Variants in ATP2A3 observed in about 807,000 individuals in gnomAD.
ATP2A3 encodes ATPase sarcoplasmic/endoplasmic reticulum Ca2+ transporting 3.
ATP2A3 carries 61 observed loss-of-function variants against 106.8 expected under a neutral mutation model. The ratio of observed to expected loss-of-function variants is 0.57; its 90% confidence interval spans 0.46 to 0.71. The LOEUF is 0.71. Ranked by LOEUF, ATP2A3 falls within the 30% of genes least tolerant of loss-of-function variation. The pLI is 0.00. For synonymous variants in ATP2A3, 611 were observed against 609.3 expected (o/e 1.00, Z -0.04); for missense variants, 1,201 against 1,423.5 (o/e 0.84, Z 2.52).
At position 3,924,505 on chromosome 17, in the gene ATP2A3, G is replaced by T; in HGVS notation, c.*917C>A. On this transcript the variant is annotated 3_prime_UTR_variant, in exon 21 of 21. Coordinates refer to ENST00000397041, the MANE Select transcript of ATP2A3 (RefSeq NM_005173.4). This position sits in a 1 kb window ranked among gnomAD's most constrained non-coding sequence, Gnocchi z 6.4. ...AGGCCCCCAGCTGTGCAGACAGCGCGGCGGCCGCACACTGGGCTGGGTAGA... is the reference window on the plus strand; with the variant it reads ...AGGCCCCCAGCTGTGCAGACAGCGCTGCGGCCGCACACTGGGCTGGGTAGA... 3.2e-6 allele frequency: 1 copy of T among 314,854 alleles called. No individual in the cohort carries two copies. 19.5% of individuals were successfully genotyped at this position (314,854 alleles called of 1,614,324 possible). A position where few individuals can be genotyped will look rare whatever the true frequency, so the allele number is the denominator to read the frequency against.
rs2054704385 is a variant in ATP2A3 at position 3,955,207 on chromosome 17, CCTT to C, written c.119-1500_119-1498del. Reference sequence around the variant, plus strand: ...GGCCATGGCTGGCTCTCTTCCACCTCCTTCTTCCTGACACTGGAAACAGGTCCT... The same window carrying C: ...GGCCATGGCTGGCTCTCTTCCACCTCCTTCCTGACACTGGAAACAGGTCCT... On this transcript the variant is annotated intron_variant, in intron 1 of 20. Coordinates refer to ENST00000397041, the MANE Select transcript of ATP2A3 (RefSeq NM_005173.4). The surrounding 1 kb of genome is among the most constrained non-coding windows in gnomAD (Gnocchi z 4.2). 6.6e-6 allele frequency among the ~76,000 whole-genome samples: 1 copy of C among 152,224 alleles called. No homozygotes were observed.
In ATP2A3 at chr17:3,936,439, G is replaced by A. The variant is rs151095860; in HGVS notation, c.2352C>T (p.Pro784=). 1,729 of 1,614,044 alleles carry A rather than the reference G, an allele frequency of 1.1e-3. 9 individuals carry two copies. Among genetic ancestry groups the A allele is most frequent in the Middle Eastern group, 6.3e-3 (38 of 6,048 alleles). ...CIFLTAILGL[P]EALIPVQLLW... Reference sequence around the variant, plus strand: ...GCAGCTGCACAGGGATCAGGGCTTCGGGCAGGCCCAGAATTGCCGTGAGGA... The same window carrying A: ...GCAGCTGCACAGGGATCAGGGCTTCAGGCAGGCCCAGAATTGCCGTGAGGA... Residue 784 remains proline, a synonymous_variant, in exon 16 of 21, where the codon CCC becomes CCT. Coordinates refer to ENST00000397041, the MANE Select transcript of ATP2A3 (RefSeq NM_005173.4). This position sits in a 1 kb window ranked among gnomAD's most constrained non-coding sequence, Gnocchi z 5.4.
intron 8 of ATP2A3, among the ~76,000 whole-genome samples, chr17:3,945,878 G>T (rs972540681): frequency 6.6e-6 from 1 of 152,172 alleles, no homozygotes; most frequent in Non-Finnish European, 1.5e-5. Flanking sequence ...CTACTCCTGG[G>T]GGCAGTCACC....
intron 17 of ATP2A3, 178 bp downstream of exon 17, chr17:3,935,014 G>T (rs2053348635): frequency 2.9e-6 from 2 of 687,852 alleles, no homozygotes; most frequent in South Asian, 1.6e-5. Flanking sequence ...GTCCGTGCTG[G>T]TGTCTCTGGG....
chr17:3,929,234 G>A lies in ATP2A3; in HGVS notation c.2862+94C>T. On this transcript the variant is annotated intron_variant, in intron 19 of 20. Coordinates refer to ENST00000397041, the MANE Select transcript of ATP2A3 (RefSeq NM_005173.4). This position sits in a 1 kb window ranked among gnomAD's most constrained non-coding sequence, Gnocchi z 4.3. ...CTCTCACCTCCCTCTCCTCCAGGTA[G>A]TTTCCATTGCAGGGGGGCCAGAGAG... The A allele has an allele frequency of 1.7e-6, 2 of 1,189,030 alleles. No homozygotes were observed. The highest frequency in any genetic ancestry group is 1.4e-5 in the South Asian group (1 of 71,552). 73.7% of individuals were successfully genotyped at this position (1,189,030 alleles called of 1,614,324 possible).
chr17:3,937,490 C>G lies in ATP2A3; in HGVS notation c.2247G>C (p.Glu749Asp). Residue 749 changes from glutamate to aspartate, a missense_variant, in exon 15 of 21, where the codon GAG becomes GAC. Glu to Asp is a conservative substitution (Grantham distance 45). Coordinates refer to ENST00000397041, the MANE Select transcript of ATP2A3 (RefSeq NM_005173.4). Reference sequence around the variant, plus strand: ...TCATGTTGCTGTAGATGGCCCGGCCCTCCTCCACCGCAGCCACGATGGAGG... The same window carrying G: ...TCATGTTGCTGTAGATGGCCCGGCCGTCCTCCACCGCAGCCACGATGGAGG... ...NFASIVAAVE[E>D]GRAIYSNMKQ... 6.2e-7 allele frequency: 1 copy of G among 1,614,096 alleles called. No homozygotes were observed. The highest frequency in any genetic ancestry group is 8.5e-7 in the Non-Finnish European group (1 of 1,179,990).
chr17:3,941,418 A>G lies in ATP2A3; in HGVS notation c.1764+18T>C, dbSNP rs1169653428. 3 of 1,613,416 alleles carry G rather than the reference A, an allele frequency of 1.9e-6. No homozygotes were observed. The highest frequency in any genetic ancestry group is 1.7e-5 in the Admixed American group (1 of 59,926). On this transcript the variant is annotated intron_variant, in intron 13 of 20. Transcript: ENST00000397041. ...GCACCCACCTCGTACTGCAGGGAGA[A>G]TCGGCTCCTGCACCCACCTCGTACT...
rs553373438 is a variant in ATP2A3 at position 3,930,500 on chromosome 17, G to A, written c.2611-66C>T. The A allele has an allele frequency of 8.7e-6, 14 of 1,603,262 alleles. No homozygotes were observed. In the African/African-American group the frequency reaches 1.9e-4, roughly 21 times the overall value. On this transcript the variant is annotated intron_variant, in intron 17 of 20. Coordinates refer to ENST00000397041, the MANE Select transcript of ATP2A3 (RefSeq NM_005173.4). The surrounding 1 kb of genome is among the most constrained non-coding windows in gnomAD (Gnocchi z 5.4). Reference sequence around the variant, plus strand: ...GCGAGGGGCTGGTGGGTGGGAGGAGGGAAGCCTCATCCTGCCCTTGGCCCA... The same window carrying A: ...GCGAGGGGCTGGTGGGTGGGAGGAGAGAAGCCTCATCCTGCCCTTGGCCCA...
rs1375579760 is a variant in ATP2A3, at chr17:3,947,899, C to G, written c.631-44G>C. 5 of 1,582,784 alleles carry G rather than the reference C, an allele frequency of 3.2e-6. No individual in the cohort carries two copies. Among genetic ancestry groups the G allele is most frequent in the Admixed American group, 1.7e-5 (1 of 59,428 alleles). On this transcript the variant is annotated intron_variant, in intron 7 of 20. Transcript: ENST00000397041. The surrounding 1 kb of genome is among the most constrained non-coding windows in gnomAD (Gnocchi z 7.7). ...AGGAAAAAGCTGCTCAGCAGCCAAC[C>G]AGGGGCCCAGGACCCCTGACTCCTT... is the stretch of plus-strand genomic sequence containing the variant.
chr17:3,927,146 A>T, intron 20 of ATP2A3: 5 of 985,434 alleles, frequency 5.1e-6, no homozygotes, highest in Non-Finnish European at 6.0e-6. Flanking sequence ...CTCCTGGCCC[A>T]GCAGGAATCT....
chr17:3,928,445 G>T lies in ATP2A3; in HGVS notation c.2980+218C>A. The T allele has an allele frequency of 9.3e-7, 1 of 1,073,570 alleles. No homozygotes were observed. The highest frequency in any genetic ancestry group is 1.4e-6 in the Non-Finnish European group (1 of 720,928). 66.5% of individuals were successfully genotyped at this position (1,073,570 alleles called of 1,614,324 possible). ...GGCCCAAGAGGTGCTCCCGTTGCTG[G>T]CCCAGTGAGCCCAGGTCCCCTGCAG... On this transcript the variant is annotated intron_variant, in intron 20 of 20. Transcript: ENST00000397041. This position sits in a 1 kb window ranked among gnomAD's most constrained non-coding sequence, Gnocchi z 6.1.
Position 3,928,732 on chromosome 17 carries a change from G to C in ATP2A3, c.2911C>G (p.Leu971Val). ...PLSGRQWVVVLQISLPVILLD... is the reference protein window; with the variant it reads ...PLSGRQWVVVVQISLPVILLD... ...AGGATGACAGGCAGAGATATCTGGA[G>C]CACCACCACCCACTGGCGCCCGCTC... Residue 971 changes from leucine to valine, a missense_variant, in exon 20 of 21, where the codon CTC (leucine) becomes GTC (valine). Transcript: ENST00000397041. The surrounding 1 kb of genome is among the most constrained non-coding windows in gnomAD (Gnocchi z 6.1). 1.3e-6 allele frequency: 2 copies of C among 1,551,954 alleles called. No individual in the cohort carries two copies. The highest frequency in any genetic ancestry group is 1.2e-5 in the South Asian group (1 of 84,100).
chr17:3,929,247 G>C lies in ATP2A3; in HGVS notation c.2862+81C>G. 9.3e-6 allele frequency: 12 copies of C among 1,293,194 alleles called. No homozygotes were observed. In the South Asian group the frequency reaches 1.1e-4, roughly 11 times the overall value. The allele number at this position is 1,293,194 out of a possible 1,614,324, so 80.1% of individuals were successfully genotyped here. A position where few individuals can be genotyped will look rare whatever the true frequency, so the allele number is the denominator to read the frequency against. On this transcript the variant is annotated intron_variant, in intron 19 of 20. Coordinates refer to ENST00000397041, the MANE Select transcript of ATP2A3 (RefSeq NM_005173.4). The surrounding 1 kb of genome is among the most constrained non-coding windows in gnomAD (Gnocchi z 4.3). ...CTCCTCCAGGTAGTTTCCATTGCAG[G>C]GGGGCCAGAGAGGTCCAGTGACCAG...
chr17:3,961,807 G>C (rs1458546791), intron 1 of ATP2A3, among the ~76,000 whole-genome samples: 1 of 152,176 alleles, frequency 6.6e-6, no homozygotes, highest in East Asian at 1.9e-4. Context: ...AAACAACCCT[G>C]GGAGATGGGT....
In ATP2A3 at chr17:3,940,053, T is replaced by G. The variant is rs565133498; in HGVS notation, c.2100+918A>C. ...TATCTTTTTTTTTTTGTTTTTTGTTTTTTTTTTTTTTGGAGAGATGGGGTC... is the reference window on the plus strand; with the variant it reads ...TATCTTTTTTTTTTTGTTTTTTGTTGTTTTTTTTTTTGGAGAGATGGGGTC... On this transcript the variant is annotated intron_variant, in intron 14 of 20. Transcript: ENST00000397041. 7.1e-5 allele frequency among the ~76,000 whole-genome samples: 10 copies of G among 141,190 alleles called. No homozygotes were observed. In the East Asian group the frequency reaches 1.6e-3, roughly 22 times the overall value. The allele number at this position is 141,190 out of a possible 152,430, so 92.6% of individuals were successfully genotyped here.
At chr17:3,950,813 C>A in intron 5 of ATP2A3, 40 bp from the exon 6 acceptor site, 1 of 1,596,140 alleles carries the variant, frequency 6.3e-7, no homozygotes, top group Non-Finnish European at 8.6e-7. Context: ...TGGCTTTGGG[C>A]ACCACCAGCT....
At position 3,936,808 on chromosome 17, in the gene ATP2A3, T is replaced by G; in HGVS notation, c.2322-339A>C. On this transcript the variant is annotated intron_variant, in intron 15 of 20. Transcript: ENST00000397041. This position sits in a 1 kb window ranked among gnomAD's most constrained non-coding sequence, Gnocchi z 5.4. ...CAGACATGTGCAAAAACCTAGCACATGCCACACCATCCGGCAAACACAAGC... is the reference window on the plus strand; with the variant it reads ...CAGACATGTGCAAAAACCTAGCACAGGCCACACCATCCGGCAAACACAAGC... The G allele has an allele frequency of 2.5e-6, 1 of 394,868 alleles. No homozygotes were observed. The highest frequency in any genetic ancestry group is 4.8e-6 in the Non-Finnish European group (1 of 207,294). The allele number at this position is 394,868 out of a possible 1,614,324, so 24.5% of individuals were successfully genotyped here. A position where few individuals can be genotyped will look rare whatever the true frequency, so the allele number is the denominator to read the frequency against.
At position 3,928,437 on chromosome 17, in the gene ATP2A3, C is replaced by T. The variant is rs2052840875; in HGVS notation, c.2980+226G>A. On this transcript the variant is annotated intron_variant, in intron 20 of 20. Coordinates refer to ENST00000397041, the MANE Select transcript of ATP2A3 (RefSeq NM_005173.4). The surrounding 1 kb of genome is among the most constrained non-coding windows in gnomAD (Gnocchi z 6.1). ...GGCAGTGTGGCCCAAGAGGTGCTCC[C>T]GTTGCTGGCCCAGTGAGCCCAGGTC... The T allele has an allele frequency of 5.2e-6, 6 of 1,161,096 alleles. No individual in the cohort carries two copies. Among genetic ancestry groups the T allele is most frequent in the Non-Finnish European group, 6.3e-6 (5 of 798,958 alleles). The allele number at this position is 1,161,096 out of a possible 1,614,324, so 71.9% of individuals were successfully genotyped here.
Position 3,941,667 on chromosome 17 carries a change from G to A in ATP2A3, c.1546-13C>T. 6.2e-7 allele frequency: 1 copy of A among 1,603,312 alleles called. No homozygotes were observed. Among genetic ancestry groups the A allele is most frequent in the Non-Finnish European group, 8.5e-7 (1 of 1,179,734 alleles). ...TCTCAGGAGCCCCCTGCGAGGTGGG[G>A]AGAGGGAGAAGAGGTAACTCATCAG... is the stretch of plus-strand genomic sequence containing the variant. On this transcript the variant is annotated splice_polypyrimidine_tract_variant and intron_variant, in intron 12 of 20. Coordinates refer to ENST00000397041, the MANE Select transcript of ATP2A3 (RefSeq NM_005173.4).
Sources: allele counts gnomAD v4.1 joint callset (sites outside exome capture counted in the v4.1 genomes callset), GRCh38; gene constraint gnomAD v4.1.1; non-coding constraint Gnocchi (gnomAD v3.1); transcripts MANE v1.5; gene names NCBI Gene and HGNC (gene_info 2026-07-23, HGNC 2026-07-21).